Variants in TENM4 observed in about 807,000 individuals in gnomAD.
TENM4 encodes the protein teneurin transmembrane protein 4, also known as teneurin-4.
A neutral mutation model predicts 243.3 loss-of-function variants in TENM4; 82 were observed. The observed-to-expected ratio is 0.34, with a 90% CI of 0.28 to 0.40. The LOEUF (loss-of-function observed/expected upper bound fraction) is 0.40. Ranked by LOEUF, TENM4 falls within the 10% of genes least tolerant of loss-of-function variation. TENM4 has a pLI of 1.00. For synonymous variants in TENM4, 1,412 were observed against 1,456.3 expected, an observed-to-expected ratio of 0.97 and a Z score of 0.69; for missense variants, 3,138 against 3,673.3, an observed-to-expected ratio of 0.85 and a Z score of 3.77.
At chr11:78,773,034 C>T (rs894687761) in intron 17 of TENM4, among the ~76,000 whole-genome samples, 2 of 152,242 alleles carry the variant, frequency 1.3e-5, no homozygotes, top group Non-Finnish European at 2.9e-5. Context: ...ACATCAGCCA[C>T]CATTAGTGAT....
chr11:78,935,346 T>A (rs986797238), intron 6 of TENM4, among the ~76,000 whole-genome samples: 1 of 152,126 alleles, frequency 6.6e-6, no homozygotes, highest in Non-Finnish European at 1.5e-5. Flanking sequence ...CTTGAACACT[T>A]GGAAAAAAGG....
intron 10 of TENM4, among the ~76,000 whole-genome samples, chr11:78,859,918 T>C (rs1858774713): frequency 1.3e-5 from 2 of 152,206 alleles, no homozygotes; most frequent in South Asian, 4.1e-4. Flanking sequence ...TCCCCATTAA[T>C]GTGTAACACA....
intron 1 of TENM4, among the ~76,000 whole-genome samples, chr11:79,360,947 G>A (rs766730539): frequency 7.9e-5 from 12 of 152,142 alleles, no homozygotes; most frequent in Non-Finnish European, 1.6e-4. Context: ...CAGACCAAAT[G>A]TGCATTATTA....
chr11:78,849,967 C>T (rs1039344173), intron 12 of TENM4, among the ~76,000 whole-genome samples: 3 of 152,186 alleles, frequency 2.0e-5, no homozygotes, highest in African/African-American at 7.2e-5. Flanking sequence ...AGGGTCAGTA[C>T]CCTCAGATTC....
rs543773948 is a variant in TENM4 at position 79,172,024 on chromosome 11, G to A, written c.-162-23218C>T. On this transcript the variant is annotated intron_variant, in intron 3 of 33. Coordinates refer to ENST00000278550, the MANE Select transcript of TENM4 (RefSeq NM_001098816.3). ...TGCAGTGCAGTGATGTGATCATAGC[G>A]CATTATAAATTTGAATTCCTGGACT... 1.5e-4 allele frequency among the ~76,000 whole-genome samples: 23 copies of A among 152,236 alleles called. No individual in the cohort carries two copies. In the South Asian group the frequency reaches 3.7e-3, roughly 25 times the overall value.
At chr11:79,067,042 C>T (rs1860278623) in intron 5 of TENM4, among the ~76,000 whole-genome samples, 1 of 152,332 alleles carries the variant, frequency 6.6e-6, no homozygotes, top group East Asian at 1.9e-4. Flanking sequence ...GCCTTTCAGC[C>T]TCTGCTCTGG....
chr11:79,254,619 T>G (rs2135311258), intron 2 of TENM4, among the ~76,000 whole-genome samples: 1 of 152,300 alleles, frequency 6.6e-6, no homozygotes, highest in South Asian at 2.1e-4. Flanking sequence ...GGCAATGAGA[T>G]TAAAGGCCAT....
intron 1 of TENM4, among the ~76,000 whole-genome samples, chr11:79,411,577 A>G (rs1858702425): frequency 6.6e-6 from 1 of 152,104 alleles, no homozygotes; most frequent in South Asian, 2.1e-4. Flanking sequence ...CCCCCTTGTC[A>G]TTTATTGCAT....
chr11:79,140,018 C>T (rs1453385550), intron 4 of TENM4, among the ~76,000 whole-genome samples: 2 of 151,268 alleles, frequency 1.3e-5, no homozygotes, highest in Non-Finnish European at 2.9e-5. Flanking sequence ...AGATGACTCT[C>T]AGGCATGGTC....
At position 78,891,259 on chromosome 11, in the gene TENM4, T is replaced by C; in HGVS notation, c.827A>G (p.His276Arg). 6.4e-7 allele frequency: 1 copy of C among 1,551,726 alleles called. No homozygotes were observed. The highest frequency in any genetic ancestry group is 1.2e-5 in the South Asian group (1 of 84,064). The change falls in exon 8 of 34, where the codon CAT (histidine) becomes CGT (arginine). Residue 276 changes from histidine (H) to arginine (R), a missense_variant. Coordinates refer to ENST00000278550, the MANE Select transcript of TENM4 (RefSeq NM_001098816.3). ...CTACCCGTCACTGTAAGCCCCATCA[T>C]GGCGGGAGGCGCCGAGAATGTCCAT... is the stretch of plus-strand genomic sequence containing the variant. ...IEMDILGASRHDGAYSDGHFL... is the reference protein window; with the variant it reads ...IEMDILGASRRDGAYSDGHFL...
chr11:78,850,259 A>C (rs1269552747), intron 12 of TENM4, among the ~76,000 whole-genome samples: 2 of 152,244 alleles, frequency 1.3e-5, no homozygotes, highest in Admixed American at 1.3e-4. Context: ...AAACATACAC[A>C]ATATAGCCAT....
At chr11:78,755,599 G>C (rs1401319846) in intron 19 of TENM4, among the ~76,000 whole-genome samples, 2 of 152,048 alleles carry the variant, frequency 1.3e-5, no homozygotes, top group Non-Finnish European at 2.9e-5. Flanking sequence ...TTTACTCGTG[G>C]GTGGCCTACT....
intron 1 of TENM4, among the ~76,000 whole-genome samples, chr11:79,307,335 T>A (rs1011204218): frequency 6.6e-6 from 1 of 152,014 alleles, no homozygotes; most frequent in African/African-American, 2.4e-5. Flanking sequence ...CTTCTGCTGA[T>A]CCCCATCTCA....
chr11:79,238,506 T>G (rs7931949), intron 2 of TENM4, among the ~76,000 whole-genome samples: 50,694 of 151,576 alleles, frequency 0.33, 9,055 homozygotes, highest in African/African-American at 0.47. Flanking sequence ...CTCGAGCCTT[T>G]TGACTCAAAC....
intron 12 of TENM4, among the ~76,000 whole-genome samples, chr11:78,823,219 C>G (rs1857775369): frequency 6.6e-6 from 1 of 152,224 alleles, no homozygotes; most frequent in Non-Finnish European, 1.5e-5. Flanking sequence ...CTTCCCTCCA[C>G]CCTTAACCCA....
intron 6 of TENM4, among the ~76,000 whole-genome samples, chr11:78,974,821 G>T (rs1350395155): frequency 4.6e-5 from 7 of 151,266 alleles, no homozygotes; most frequent in African/African-American, 1.7e-4. Context: ...CAAGTAGCTG[G>T]GATTATAGGC....
intron 12 of TENM4, among the ~76,000 whole-genome samples, chr11:78,844,539 G>C (rs1390300102): frequency 6.6e-6 from 1 of 152,100 alleles, no homozygotes; most frequent in East Asian, 1.9e-4. Flanking sequence ...CTACTTGGGA[G>C]GCTGAGGCAG....
intron 15 of TENM4, among the ~76,000 whole-genome samples, chr11:78,789,164 T>C (rs1424551983): frequency 1.3e-5 from 2 of 152,176 alleles, no homozygotes; most frequent in African/African-American, 4.8e-5. Context: ...TGTTGGATGA[T>C]GGATGAATTA....
chr11:78,945,503 A>G (rs549131572), intron 6 of TENM4, among the ~76,000 whole-genome samples: 1 of 152,294 alleles, frequency 6.6e-6, no homozygotes, highest in East Asian at 1.9e-4. Flanking sequence ...ACATAATGAT[A>G]TTGAAATTAG....
Sources: gnomAD v4.1 joint callset for allele counts (sites outside exome capture counted in the v4.1 genomes callset) on GRCh38, gnomAD v4.1.1 for gene constraint, MANE v1.5 for transcripts, NCBI Gene and HGNC (gene_info 2026-07-23, HGNC 2026-07-21) for gene names.